SMC5: variants seen among roughly 807,000 people sequenced by gnomAD.
SMC5 encodes the protein structural maintenance of chromosomes 5.
A neutral mutation model predicts 148.3 loss-of-function variants in SMC5; 88 were observed. The observed-to-expected ratio is 0.59, with a 90% CI of 0.50 to 0.71. SMC5 has a LOEUF of 0.71. Ranked by LOEUF, SMC5 falls within the 30% of genes least tolerant of loss-of-function variation. The pLI is 0.00. For synonymous variants in SMC5, 421 were observed against 432.8 expected (o/e 0.97, Z 0.34); for missense variants, 1,142 against 1,298.9 (o/e 0.88, Z 1.86).
At chr9:70,262,819 A>C (rs1368714623) in intron 1 of SMC5, among the ~76,000 whole-genome samples, 2 of 152,216 alleles carry the variant, frequency 1.3e-5, no homozygotes, top group Non-Finnish European at 2.9e-5. Flanking sequence ...TAGCTCTTTC[A>C]GAGGGAGCTC....
intron 17 of SMC5, among the ~76,000 whole-genome samples, chr9:70,332,760 C>G (rs2036252408): frequency 6.6e-6 from 1 of 152,090 alleles, no homozygotes; most frequent in Admixed American, 6.5e-5. Flanking sequence ...GGTTTTATCT[C>G]AGATGTATAA....
Position 70,259,133 on chromosome 9 carries a change from G to C in SMC5, c.55G>C (p.Ala19Pro). 1.9e-6 allele frequency: 3 copies of C among 1,612,726 alleles called. No individual in the cohort carries two copies. The South Asian group carries it at 3.3e-5, about 18-fold the overall frequency. ...TCCAAGCCCCCAGCCTTCCAAGAGA[G>C]CTCTCCCGAGAGACCCTTCGTCGGA... ...STPSPQPSKR[A>P]LPRDPSSEVP... The change falls in exon 1 of 25, where the codon GCT (alanine) becomes CCT (proline). Residue 19 changes from alanine to proline, a missense_variant. Coordinates refer to ENST00000361138, the MANE Select transcript of SMC5 (RefSeq NM_015110.4).
chr9:70,281,319 T>C (rs1180115), intron 6 of SMC5, among the ~76,000 whole-genome samples: 33,004 of 152,014 alleles, frequency 0.22, 3,709 homozygotes, highest in South Asian at 0.28. Flanking sequence ...TGATTACGGG[T>C]GTGAGCCACC....
rs1358112847 is a variant in SMC5 at position 70,318,609 on chromosome 9, C to T, written c.1902C>T (p.Asn634=). 1 of 1,612,748 alleles carries T rather than the reference C, an allele frequency of 6.2e-7. No homozygotes were observed. The highest frequency in any genetic ancestry group is 8.5e-7 in the Non-Finnish European group (1 of 1,179,340). Residue 634 remains asparagine, a synonymous_variant, in exon 14 of 25, where the codon AAC becomes AAT. Coordinates refer to ENST00000361138, the MANE Select transcript of SMC5 (RefSeq NM_015110.4). ...SFYSNKVISS[N]TSLKVAQFLT... ...ATTCAAACAAAGTTATTTCTAGTAA[C>T]ACATCTCTAAAAGTAGCGCAGTTTC...
At chr9:70,304,108 A>G (rs1484637495) in intron 10 of SMC5, among the ~76,000 whole-genome samples, 2 of 152,104 alleles carry the variant, frequency 1.3e-5, no homozygotes, top group Non-Finnish European at 2.9e-5. Flanking sequence ...TTTACTTTTT[A>G]GAGACAGTTT....
At chr9:70,303,910 T>C (rs1461974974) in intron 10 of SMC5, among the ~76,000 whole-genome samples, 1 of 152,210 alleles carries the variant, frequency 6.6e-6, no homozygotes, top group Non-Finnish European at 1.5e-5. Context: ...CCCTAGATAG[T>C]ACTTTTTATA....
intron 17 of SMC5, among the ~76,000 whole-genome samples, chr9:70,331,341 A>G (rs2036213105): frequency 6.6e-6 from 1 of 152,234 alleles, no homozygotes; most frequent in South Asian, 2.1e-4. Context: ...TAAGAAATGT[A>G]TTAACCAAAT....
intron 11 of SMC5, among the ~76,000 whole-genome samples, 163 bp downstream of exon 11, chr9:70,305,523 T>G (rs1224771810): frequency 2.6e-5 from 4 of 152,208 alleles, no homozygotes; most frequent in African/African-American, 9.6e-5. Flanking sequence ...TATGGCATTG[T>G]GGGTCAATTT....
chr9:70,294,757 AG>A (rs2035150500), intron 8 of SMC5, among the ~76,000 whole-genome samples: 1 of 152,188 alleles, frequency 6.6e-6, no homozygotes, highest in Admixed American at 6.5e-5. Flanking sequence ...GGCTGAGGAA[AG>A]GTTAAGGAAA....
At chr9:70,278,420 T>C in intron 4 of SMC5, 71 bp from the exon 5 acceptor site, 1 of 1,440,726 alleles carries the variant, frequency 6.9e-7, no homozygotes, top group South Asian at 1.3e-5. Context: ...AGTGTAAGCA[T>C]TGAGTGAAAT....
chr9:70,340,813 T>G (rs1247060324), intron 17 of SMC5, among the ~76,000 whole-genome samples: 1 of 152,146 alleles, frequency 6.6e-6, no homozygotes, highest in Non-Finnish European at 1.5e-5. Context: ...TTGTTTAATG[T>G]CGAGGTATTT....
Position 70,298,077 on chromosome 9 carries a change from A to T in SMC5, c.1165A>T (p.Thr389Ser). 6.2e-7 allele frequency: 1 copy of T among 1,614,090 alleles called. No homozygotes were observed. The highest frequency in any genetic ancestry group is 8.5e-7 in the Non-Finnish European group (1 of 1,179,950). ...AGAGGATTTGCAAAATGAACTAAAG[A>T]CCACGGAAAACTGCGAGAATCTTCA... ...MIEDLQNELK[T>S]TENCENLQPQ... is the part of the protein sequence containing the mutation. Residue 389 changes from threonine (T) to serine (S), a missense_variant, in exon 9 of 25, where the codon ACC becomes TCC. Coordinates refer to ENST00000361138, the MANE Select transcript of SMC5 (RefSeq NM_015110.4).
intron 4 of SMC5, 45 bp downstream of exon 4, chr9:70,277,517 T>C (rs1157253729): frequency 2.0e-6 from 3 of 1,492,614 alleles, no homozygotes; most frequent in South Asian, 1.4e-5. Context: ...TTGTATATAG[T>C]GTTTCCTTTT....
chr9:70,327,569 G>A (rs937014168), intron 17 of SMC5, among the ~76,000 whole-genome samples: 1 of 152,132 alleles, frequency 6.6e-6, no homozygotes, highest in African/African-American at 2.4e-5. Flanking sequence ...GAACTGGCTT[G>A]TGACTTTGAA....
intron 8 of SMC5, among the ~76,000 whole-genome samples, chr9:70,287,896 T>C (rs1210339819): frequency 6.6e-6 from 1 of 152,198 alleles, no homozygotes; most frequent in Non-Finnish European, 1.5e-5. Context: ...TCTTTTTCAC[T>C]CACCCTTTAC....
At chr9:70,334,003 A>G (rs1564066360) in intron 17 of SMC5, among the ~76,000 whole-genome samples, 1 of 152,140 alleles carries the variant, frequency 6.6e-6, no homozygotes, top group Non-Finnish European at 1.5e-5. Flanking sequence ...GACTCCCACT[A>G]ATTTTAAAAT....
chr9:70,298,710 A>G (rs1226221439), intron 9 of SMC5, among the ~76,000 whole-genome samples: 1 of 151,712 alleles, frequency 6.6e-6, no homozygotes, highest in Admixed American at 6.6e-5. Context: ...TATGTTTATC[A>G]AAGTATTAGA....
At chr9:70,296,863 G>A (rs1330119851) in intron 8 of SMC5, among the ~76,000 whole-genome samples, 1 of 152,112 alleles carries the variant, frequency 6.6e-6, no homozygotes, top group Non-Finnish European at 1.5e-5. Flanking sequence ...AAATTTCACT[G>A]ACATCAAGTG....
At chr9:70,322,904 T>A (rs2035984715) in intron 15 of SMC5, among the ~76,000 whole-genome samples, 1 of 152,170 alleles carries the variant, frequency 6.6e-6, no homozygotes, top group African/African-American at 2.4e-5. Flanking sequence ...CTACTCTCCT[T>A]TAGGCAAGCT....
Sources: allele counts gnomAD v4.1 joint callset (sites outside exome capture counted in the v4.1 genomes callset), GRCh38; gene constraint gnomAD v4.1.1; transcripts MANE v1.5; gene names NCBI Gene and HGNC (gene_info 2026-07-23, HGNC 2026-07-21).